Variants in ADGRG2 observed in about 807,000 individuals in gnomAD.
ADGRG2 encodes adhesion G protein-coupled receptor G2.
A neutral mutation model predicts 74.1 loss-of-function variants in ADGRG2; 26 were observed. The observed-to-expected ratio is 0.35, with a 90% CI of 0.26 to 0.49. ADGRG2 has a LOEUF of 0.49. ADGRG2 is among the 20% of genes least tolerant of loss of function. The pLI is 0.99. For synonymous variants in ADGRG2, 296 were observed against 295.2 expected, an observed-to-expected ratio of 1.00 and a Z score of -0.03; for missense variants, 619 against 763.1, an observed-to-expected ratio of 0.81 and a Z score of 2.22.
rs1291216050 is a variant in ADGRG2, at chrX:19,107,885, A to G, written c.-47+14557T>C. Reference sequence around the variant, plus strand: ...GGAGGCTGAGGCGGGCGGATCACAAAGTCAGGAGATCGAGACCATCCTGGC... The same window carrying G: ...GGAGGCTGAGGCGGGCGGATCACAAGGTCAGGAGATCGAGACCATCCTGGC... On this transcript the variant is annotated intron_variant, in intron 1 of 28. Coordinates refer to ENST00000379869, the MANE Select transcript of ADGRG2 (RefSeq NM_001079858.3). Among the ~76,000 whole-genome samples the G allele has an allele frequency of 1.5e-4, 16 of 104,200 alleles. No individual in the cohort carries two copies. The East Asian group carries it at 2.5e-3, about 16-fold the overall frequency. 90.5% of individuals were successfully genotyped at this position (104,200 alleles called of 115,157 possible). A position where few individuals can be genotyped will look rare whatever the true frequency, so the allele number is the denominator to read the frequency against.
At chrX:19,116,035 C>A (rs890828675) in intron 1 of ADGRG2, among the ~76,000 whole-genome samples, 3 of 110,148 alleles carry the variant, frequency 2.7e-5, no homozygotes, top group Non-Finnish European at 3.8e-5. Context: ...CACAGGGAGA[C>A]CCCGTCACTA....
At chrX:19,026,042 T>C (rs956775348) in intron 11 of ADGRG2, among the ~76,000 whole-genome samples, 1 of 111,905 alleles carries the variant, frequency 8.9e-6, no homozygotes, top group African/African-American at 3.2e-5. Context: ...ATAAAGGACA[T>C]GAATAACACC....
chrX:19,008,685 G>T (rs1304873806), intron 18 of ADGRG2, among the ~76,000 whole-genome samples: 1 of 110,451 alleles, frequency 9.1e-6, no homozygotes, highest in African/African-American at 3.3e-5. Context: ...GAAAAAAAAG[G>T]AAGTGTAATA....
intron 3 of ADGRG2, among the ~76,000 whole-genome samples, chrX:19,051,256 A>C (rs2061315773): frequency 9.0e-6 from 1 of 110,897 alleles, no homozygotes; most frequent in South Asian, 3.9e-4. Flanking sequence ...TTGTATTTTT[A>C]GTAGAGACAG....
intron 1 of ADGRG2, among the ~76,000 whole-genome samples, chrX:19,098,891 A>G (rs772356941): frequency 1.1e-4 from 12 of 112,680 alleles, no homozygotes; most frequent in Non-Finnish European, 1.7e-4. Flanking sequence ...GGGTCAGAAG[A>G]AAATTAAGTG....
At chrX:19,050,035 C>A (rs1367743731) in intron 3 of ADGRG2, among the ~76,000 whole-genome samples, 1 of 111,350 alleles carries the variant, frequency 9.0e-6, no homozygotes, top group Non-Finnish European at 1.9e-5. Flanking sequence ...GAGCAGTGAT[C>A]ACTTGGCATC....
At chrX:19,043,578 C>T (rs1601972276) in intron 3 of ADGRG2, among the ~76,000 whole-genome samples, 1 of 111,409 alleles carries the variant, frequency 9.0e-6, no homozygotes, top group African/African-American at 3.3e-5. Context: ...AATTATGGTG[C>T]CGTGTCTATA....
intron 1 of ADGRG2, among the ~76,000 whole-genome samples, chrX:19,113,485 T>C (rs1354493306): frequency 8.9e-6 from 1 of 112,289 alleles, no homozygotes; most frequent in Non-Finnish European, 1.9e-5. Context: ...GATAACAGTA[T>C]CTTATCAAAA....
At chrX:19,014,738 T>C (rs746234221) in intron 15 of ADGRG2, among the ~76,000 whole-genome samples, 3 of 111,419 alleles carry the variant, frequency 2.7e-5, no homozygotes, top group East Asian at 2.8e-4. Flanking sequence ...GTTCAAGTGA[T>C]TCTCTTGCCT....
At position 19,061,420 on chromosome X, in the gene ADGRG2, A is replaced by C. The variant is rs141605651; in HGVS notation, c.118+7297T>G. Among the ~76,000 whole-genome samples the C allele has an allele frequency of 9.5e-3, 1,069 of 112,319 alleles. 17 individuals are homozygous for C. Among genetic ancestry groups the C allele is most frequent in the African/African-American group, 0.033 (1,026 of 30,924 alleles). ...GAATGATGTCTCTACATACCTGAAA[A>C]GATAAAACCTGGAGGAGGATCAGAG... On this transcript the variant is annotated intron_variant, in intron 3 of 28. Transcript: ENST00000379869.
At chrX:19,039,169 G>C in intron 4 of ADGRG2, 1 of 329,892 alleles carries the variant, frequency 3.0e-6, no homozygotes, top group Non-Finnish European at 5.9e-6. Context: ...AAACCACACA[G>C]CTAGGAATGA....
chrX:19,109,770 T>C (rs926194287), intron 1 of ADGRG2, among the ~76,000 whole-genome samples: 1 of 111,976 alleles, frequency 8.9e-6, no homozygotes, highest in Non-Finnish European at 1.9e-5. Context: ...ATAAAACATG[T>C]CGATTTTGTG....
intron 2 of ADGRG2, among the ~76,000 whole-genome samples, chrX:19,072,182 T>A (rs2061665042): frequency 9.1e-6 from 1 of 109,976 alleles, no homozygotes; most frequent in Admixed American, 9.8e-5. Flanking sequence ...TTTTTTTTTT[T>A]AACTCATCAG....
intron 3 of ADGRG2, among the ~76,000 whole-genome samples, chrX:19,049,815 G>A (rs1242176319): frequency 9.0e-6 from 1 of 111,237 alleles, no homozygotes; most frequent in African/African-American, 3.3e-5. Flanking sequence ...AACTCCACTA[G>A]TGTCTAGAGT....
chrX:19,117,740 C>T lies in ADGRG2; in HGVS notation c.-47+4702G>A, dbSNP rs372347659. On this transcript the variant is annotated intron_variant, in intron 1 of 28. Transcript: ENST00000379869. ...GCTGAGGCAGGAGAATCACCTGAACCCAGGAGGCGGAGGTTGCAGTGAGCC... is the reference window on the plus strand; with the variant it reads ...GCTGAGGCAGGAGAATCACCTGAACTCAGGAGGCGGAGGTTGCAGTGAGCC... Among the ~76,000 whole-genome samples the T allele has an allele frequency of 7.7e-3, 852 of 110,718 alleles. 10 individuals carry two copies. The highest frequency in any genetic ancestry group is 0.026 in the African/African-American group (794 of 30,417).
rs975374725 is a variant in ADGRG2 at position 19,087,777 on chromosome X, T to A, written c.-46-5031A>T. Among the ~76,000 whole-genome samples, 5 of 111,752 alleles carry A rather than the reference T, an allele frequency of 4.5e-5. No individual in the cohort carries two copies. The Admixed American group carries it at 4.7e-4, about 11-fold the overall frequency. ...GGGCCTCTTGCAGCCGTTGCTACCA[T>A]GCTTTATTTTCCTGCAGCACGAGAA... On this transcript the variant is annotated intron_variant, in intron 1 of 28. Coordinates refer to ENST00000379869, the MANE Select transcript of ADGRG2 (RefSeq NM_001079858.3).
intron 1 of ADGRG2, among the ~76,000 whole-genome samples, chrX:19,085,990 G>C (rs898058512): frequency 9.0e-6 from 1 of 111,477 alleles, no homozygotes; most frequent in Non-Finnish European, 1.9e-5. Flanking sequence ...CCCAGCCAGG[G>C]AGCAGGAACT....
At position 19,067,009 on chromosome X, in the gene ADGRG2, C is replaced by T. The variant is rs144721615; in HGVS notation, c.118+1708G>A. Among the ~76,000 whole-genome samples the T allele has an allele frequency of 1.6e-3, 177 of 111,960 alleles. 1 individual carries two copies. Among genetic ancestry groups the T allele is most frequent in the African/African-American group, 5.5e-3 (169 of 30,832 alleles). Reference sequence around the variant, plus strand: ...CACCAGAAATAAACCCTCATCTATACGGTCACTTTGAGGCAGGAAAATAGG... The same window carrying T: ...CACCAGAAATAAACCCTCATCTATATGGTCACTTTGAGGCAGGAAAATAGG... On this transcript the variant is annotated intron_variant, in intron 3 of 28. Coordinates refer to ENST00000379869, the MANE Select transcript of ADGRG2 (RefSeq NM_001079858.3).
chrX:19,119,858 C>T (rs976685076), intron 1 of ADGRG2, among the ~76,000 whole-genome samples: 1 of 111,549 alleles, frequency 9.0e-6, no homozygotes, highest in African/African-American at 3.3e-5. Flanking sequence ...CTGCCAAACC[C>T]GCCAATGAAA....
Sources: allele counts gnomAD v4.1 joint callset (sites outside exome capture counted in the v4.1 genomes callset), GRCh38; gene constraint gnomAD v4.1.1; transcripts MANE v1.5; gene names NCBI Gene and HGNC (gene_info 2026-07-23, HGNC 2026-07-21).